GLG1: variants seen among roughly 807,000 people sequenced by gnomAD.
GLG1 encodes golgi glycoprotein 1.
In GLG1, 38 loss-of-function variants were observed where a neutral mutation model predicts 160.5. That is an observed-to-expected ratio of 0.24 (90% CI 0.18 to 0.31). The LOEUF is 0.31. Ranked by LOEUF, GLG1 falls within the 10% of genes least tolerant of loss-of-function variation. The pLI is 1.00. For missense variants in GLG1, 1,373 were observed against 1,505.2 expected (o/e 0.91, Z 1.45); for synonymous variants, 644 against 543.4 (o/e 1.19, Z -2.57).
At chr16:74,587,196 T>A (rs1181428750) in intron 1 of GLG1, among the ~76,000 whole-genome samples, 1 of 152,176 alleles carries the variant, frequency 6.6e-6, no homozygotes, top group Non-Finnish European at 1.5e-5. Context: ...GCATTAACTA[T>A]GATCCCTGAG....
chr16:74,513,258 G>A (rs2016871027), intron 2 of GLG1, among the ~76,000 whole-genome samples: 1 of 152,118 alleles, frequency 6.6e-6, no homozygotes, highest in Non-Finnish European at 1.5e-5. Context: ...AAAAAGATGG[G>A]ATATACTTGA....
chr16:74,556,021 G>A (rs1228011215), intron 1 of GLG1, among the ~76,000 whole-genome samples: 1 of 151,788 alleles, frequency 6.6e-6, no homozygotes, highest in Non-Finnish European at 1.5e-5. Flanking sequence ...TAATTTTTTT[G>A]TAGAGAAGGG....
At chr16:74,539,514 G>A (rs1055406357) in intron 1 of GLG1, among the ~76,000 whole-genome samples, 10 of 144,822 alleles carry the variant, frequency 6.9e-5, no homozygotes, top group African/African-American at 1.8e-4. Context: ...AAGGGTATAC[G>A]TATTTTACAG....
chr16:74,527,705 C>T (rs1303854010), intron 2 of GLG1, among the ~76,000 whole-genome samples: 1 of 152,026 alleles, frequency 6.6e-6, no homozygotes, highest in African/African-American at 2.4e-5. Flanking sequence ...TGAATATTCT[C>T]AGCTTTCGCT....
At chr16:74,541,018 A>T (rs1386250538) in intron 1 of GLG1, among the ~76,000 whole-genome samples, 1 of 152,076 alleles carries the variant, frequency 6.6e-6, no homozygotes, top group Non-Finnish European at 1.5e-5. Flanking sequence ...CACTACTACT[A>T]CCGAAATACA....
At chr16:74,483,249 T>C (rs2015671348) in intron 9 of GLG1, 125 bp from the exon 10 acceptor site, 1 of 639,376 alleles carries the variant, frequency 1.6e-6, no homozygotes, top group South Asian at 1.9e-5. Context: ...AGATTTATTT[T>C]TCTAAGAATC....
At chr16:74,579,434 A>C (rs1377994496) in intron 1 of GLG1, among the ~76,000 whole-genome samples, 1 of 151,650 alleles carries the variant, frequency 6.6e-6, no homozygotes, top group Admixed American at 6.6e-5. Flanking sequence ...CAAACAAAAA[A>C]CCCTTGGCCA....
chr16:74,526,405 T>C (rs1400505213), intron 2 of GLG1, among the ~76,000 whole-genome samples: 2 of 146,262 alleles, frequency 1.4e-5, no homozygotes, highest in Admixed American at 6.9e-5. Flanking sequence ...TGACATTACC[T>C]GTAGATGAAT....
chr16:74,521,677 G>C (rs879634517), intron 2 of GLG1, among the ~76,000 whole-genome samples: 1 of 152,148 alleles, frequency 6.6e-6, no homozygotes, highest in Non-Finnish European at 1.5e-5. Flanking sequence ...GGAATCAGCA[G>C]CTAAAGTCTG....
At chr16:74,580,696 G>A (rs1263100006) in intron 1 of GLG1, among the ~76,000 whole-genome samples, 2 of 152,084 alleles carry the variant, frequency 1.3e-5, no homozygotes, top group African/African-American at 2.4e-5. Context: ...AGTTGAAGAC[G>A]ACCAAATCAA....
intron 3 of GLG1, among the ~76,000 whole-genome samples, chr16:74,505,220 G>C (rs1444133438): frequency 6.6e-6 from 1 of 152,218 alleles, no homozygotes; most frequent in Non-Finnish European, 1.5e-5. Flanking sequence ...GCAACAGGTT[G>C]TCTTCACCTC....
At chr16:74,509,604 C>T (rs1045036876) in intron 2 of GLG1, among the ~76,000 whole-genome samples, 1 of 151,946 alleles carries the variant, frequency 6.6e-6, no homozygotes, top group Non-Finnish European at 1.5e-5. Context: ...AATCCCAGCA[C>T]TTTGGGAGGC....
rs1054294200 is a variant in GLG1 at position 74,449,557 on chromosome 16, A to T, written c.*3610T>A. The T allele has an allele frequency of 1.3e-5, 2 of 152,222 alleles. No individual in the cohort carries two copies. Among genetic ancestry groups the T allele is most frequent in the African/African-American group, 4.8e-5 (2 of 41,460 alleles). 9.4% of individuals were successfully genotyped at this position (152,222 alleles called of 1,614,324 possible). ...AAATCTGACAGTAACTTTCTGTAGC[A>T]TCTTCAGGGAAAGCTGTCTCTTCAC... On this transcript the variant is annotated 3_prime_UTR_variant, in exon 26 of 26. Coordinates refer to ENST00000422840, the MANE Select transcript of GLG1 (RefSeq NM_001145667.2).
Position 74,476,593 on chromosome 16 carries a change from C to T in GLG1, c.1965+803G>A, listed in dbSNP as rs146122683. On this transcript the variant is annotated intron_variant, in intron 12 of 25. Transcript: ENST00000422840. ...TATGTGGCTTTAAACACGCAGTATT[C>T]CTACTGCTGAGTATCCTGCATTCAG... is the stretch of plus-strand genomic sequence containing the variant. Among the ~76,000 whole-genome samples, 44 of 152,294 alleles carry T rather than the reference C, an allele frequency of 2.9e-4. No homozygotes were observed. The East Asian group carries it at 8.1e-3, about 28-fold the overall frequency.
At chr16:74,478,332 T>A (rs964376962) in intron 11 of GLG1, among the ~76,000 whole-genome samples, 6 of 152,054 alleles carry the variant, frequency 3.9e-5, no homozygotes, top group African/African-American at 1.4e-4. Flanking sequence ...CATTATGAGA[T>A]AGGACTGGAC....
chr16:74,536,966 G>C (rs1014813987), intron 1 of GLG1, among the ~76,000 whole-genome samples: 2 of 152,158 alleles, frequency 1.3e-5, no homozygotes, highest in African/African-American at 4.8e-5. Context: ...GGAGATAGAA[G>C]TCTGGGCTTC....
At chr16:74,574,208 ATT>A (rs1198618592) in intron 1 of GLG1, among the ~76,000 whole-genome samples, 3 of 152,220 alleles carry the variant, frequency 2.0e-5, no homozygotes, top group Non-Finnish European at 4.4e-5. Context: ...ATTTCTAATT[ATT>A]TCCCATCAAC....
intron 1 of GLG1, among the ~76,000 whole-genome samples, chr16:74,574,500 A>C (rs1781895879): frequency 6.6e-6 from 1 of 152,142 alleles, no homozygotes; most frequent in African/African-American, 2.4e-5. Context: ...CTCAAAATGC[A>C]AATATCAGAA....
rs571297558 is a variant in GLG1 at position 74,451,715 on chromosome 16, G to A, written c.*1452C>T. ...CACACTGCTCTCTTGTGCAGCCACT[G>A]TGATCTCATGCCCCAAACTCAACCA... is the stretch of plus-strand genomic sequence containing the variant. On this transcript the variant is annotated 3_prime_UTR_variant, in exon 26 of 26. Coordinates refer to ENST00000422840, the MANE Select transcript of GLG1 (RefSeq NM_001145667.2). 1.3e-5 allele frequency: 4 copies of A among 303,512 alleles called. No homozygotes were observed. Among genetic ancestry groups the A allele is most frequent in the African/African-American group, 8.5e-5 (4 of 47,232 alleles). 18.8% of individuals were successfully genotyped at this position (303,512 alleles called of 1,614,324 possible).
Sources: allele counts gnomAD v4.1 joint callset (sites outside exome capture counted in the v4.1 genomes callset), GRCh38; gene constraint gnomAD v4.1.1; transcripts MANE v1.5; gene names NCBI Gene and HGNC (gene_info 2026-07-23, HGNC 2026-07-21).